Variants in DNAH1 observed in about 807,000 individuals in gnomAD.
DNAH1 encodes the protein axonemal beta dynein heavy chain 1.
In DNAH1, 327 loss-of-function variants were observed where a neutral mutation model predicts 484.3. The observed-to-expected ratio is 0.68, with a 90% CI of 0.62 to 0.74. DNAH1 has a LOEUF of 0.74. Among genes scored for constraint, DNAH1 ranks in the 30% least tolerant of loss-of-function variants. DNAH1 has a pLI of 0.00. For missense variants in DNAH1, 5,052 were observed against 5,546.8 expected, an observed-to-expected ratio of 0.91 and a Z score of 2.83; for synonymous variants, 2,192 against 2,191.9, an observed-to-expected ratio of 1.00 and a Z score of 0.00.
intron 8 of DNAH1, among the ~76,000 whole-genome samples, chr3:52,335,593 G>A (rs542416325): frequency 6.6e-6 from 1 of 152,146 alleles, no homozygotes; most frequent in South Asian, 2.1e-4. Context: ...ATAGGTGTGA[G>A]CCACCGCACC....
chr3:52,355,055 G>C lies in DNAH1; in HGVS notation c.3693G>C (p.Gln1231His). 6.2e-7 allele frequency: 1 copy of C among 1,613,144 alleles called. No homozygotes were observed. Among genetic ancestry groups the C allele is most frequent in the Non-Finnish European group, 8.5e-7 (1 of 1,179,862 alleles). Reference sequence around the variant, plus strand: ...GGGAGAACAAACTGAAGCTGACCCAGGTCGGCCCTCCCCCCAGTCCTTCCC... The same window carrying C: ...GGGAGAACAAACTGAAGCTGACCCACGTCGGCCCTCCCCCCAGTCCTTCCC... ...NSWENKLKLT[Q>H]EVLEEWLNCQ... Residue 1231 changes from glutamine to histidine, a missense_variant and splice_region_variant, in exon 21 of 78, where the codon CAG becomes CAC. Physicochemically the swap from Gln to His is conservative, Grantham distance 24. This residue lies in a region of DNAH1 where 2,929 missense variants were observed against 3,409.4 expected (regional missense o/e 0.86). Transcript: ENST00000420323. This position sits in a 1 kb window ranked among gnomAD's most constrained non-coding sequence, Gnocchi z 4.5.
chr3:52,345,347 A>G (rs918402567), intron 9 of DNAH1, 148 bp from the exon 10 acceptor site: 76 of 678,260 alleles, frequency 1.1e-4, no homozygotes, highest in Middle Eastern at 4.1e-4. Context: ...CCGGCAAACT[A>G]TGGAAAGGCG....
chr3:52,378,857 T>C, intron 47 of DNAH1, 77 bp downstream of exon 47: 2 of 1,572,070 alleles, frequency 1.3e-6, no homozygotes, highest in Non-Finnish European at 1.7e-6. Context: ...ATTTCAGGCC[T>C]TCCTGCCCAA....
chr3:52,374,821 TAAAAATGGAAGTACGAGAAGA>T lies in DNAH1; in HGVS notation c.6986-417_6986-397del, dbSNP rs564041324. On this transcript the variant is annotated intron_variant, in intron 44 of 77. Transcript: ENST00000420323. The stretch of plus-strand genomic sequence containing the variant: ...AAAGCAGAGAAACTAAAAGAGAAGC[TAAAAATGGAAGTACGAGAAGA>T]AGCATGGGTTAAAATAGAAAATCTA... 1.6e-3 allele frequency: 1,765 copies of T among 1,078,244 alleles called. 3 individuals carry two copies. The highest frequency in any genetic ancestry group is 2.0e-3 in the South Asian group (159 of 77,868). 66.8% of individuals were successfully genotyped at this position (1,078,244 alleles called of 1,614,324 possible).
At chr3:52,319,809 G>A (rs887572298) in intron 1 of DNAH1, among the ~76,000 whole-genome samples, 28 of 152,206 alleles carry the variant, frequency 1.8e-4, no homozygotes, top group African/African-American at 6.3e-4. Context: ...CATTGTGAAG[G>A]GCTGAGGGAT....
intron 54 of DNAH1, among the ~76,000 whole-genome samples, 170 bp from the exon 55 acceptor site, chr3:52,385,990 G>A (rs1704087812): frequency 6.6e-6 from 1 of 152,234 alleles, no homozygotes; most frequent in African/African-American, 2.4e-5. Flanking sequence ...CAGGCCCATG[G>A]TGAGCACTCA....
intron 16 of DNAH1, 133 bp from the exon 17 acceptor site, chr3:52,351,829 C>G: frequency 8.8e-7 from 1 of 1,131,358 alleles, no homozygotes; most frequent in Non-Finnish European, 1.3e-6. Context: ...GTAGCCTCCA[C>G]AGCTGCCTGG....
intron 3 of DNAH1, among the ~76,000 whole-genome samples, chr3:52,325,395 G>C (rs1045640422): frequency 6.6e-6 from 1 of 152,156 alleles, no homozygotes; most frequent in African/African-American, 2.4e-5. Flanking sequence ...AGGCTGCCCA[G>C]AGCCCACCCA....
In DNAH1 at chr3:52,383,337, T is replaced by C. The variant is rs150888531; in HGVS notation, c.7942-49T>C. 3.9e-6 allele frequency: 6 copies of C among 1,538,316 alleles called. No homozygotes were observed. The East Asian group carries it at 6.8e-5, about 17-fold the overall frequency. On this transcript the variant is annotated intron_variant, in intron 50 of 77. Transcript: ENST00000420323. The stretch of plus-strand genomic sequence containing the variant: ...AAGGTCCAGCGAGACTGTGGTCATA[T>C]AGTCCAACATGCAGGGGCTTAGCTC...
chr3:52,366,805 G>T lies in DNAH1; in HGVS notation c.5683G>T (p.Ala1895Ser). ...ATCCATCAGTGGTGGCATGTACGAG[G>T]CTGTCAACTACTACGTGCTCAACCC... ...QPSISGGMYE[A>S]VNYYVLNPKS... The change falls in exon 36 of 78, where the codon GCT becomes TCT. Residue 1895 changes from alanine to serine, a missense_variant. Coordinates refer to ENST00000420323, the MANE Select transcript of DNAH1 (RefSeq NM_015512.5). The T allele has an allele frequency of 1.2e-6, 2 of 1,613,954 alleles. No individual in the cohort carries two copies. The highest frequency in any genetic ancestry group is 8.5e-7 in the Non-Finnish European group (1 of 1,179,862).
At chr3:52,331,351 G>A in intron 7 of DNAH1, 42 bp downstream of exon 7, 1 of 1,564,360 alleles carries the variant, frequency 6.4e-7, no homozygotes, top group Non-Finnish European at 8.7e-7. Context: ...CCCCAGCTTG[G>A]GCCTGGCCGG....
chr3:52,395,363 T>G lies in DNAH1; in HGVS notation c.11024T>G (p.Phe3675Cys). The change falls in exon 69 of 78, where the codon TTT becomes TGT. Residue 3675 changes from phenylalanine to cysteine, a missense_variant. By Grantham distance (205) the Phe-to-Cys change is radical. This residue lies in a region of DNAH1 where 853 missense variants were observed against 899.0 expected (regional missense o/e 0.95). Transcript: ENST00000420323. The surrounding 1 kb of genome is among the most constrained non-coding windows in gnomAD (Gnocchi z 4.4). ...TCCAACTCCACCACACCCCTCATCT[T>G]TGTGCTGTCACCCGGCACAGACCCT... Reference protein sequence around the residue: ...KDSNSTTPLIFVLSPGTDPAA... With the variant: ...KDSNSTTPLICVLSPGTDPAA... The G allele has an allele frequency of 6.2e-7, 1 of 1,613,838 alleles. No individual in the cohort carries two copies. The highest frequency in any genetic ancestry group is 8.5e-7 in the Non-Finnish European group (1 of 1,179,868).
rs1434239763 is a variant in DNAH1, at chr3:52,395,472, G to C, written c.11127+6G>C. On this transcript the variant is annotated splice_donor_region_variant and intron_variant, in intron 69 of 77. Transcript: ENST00000420323. The surrounding 1 kb of genome is among the most constrained non-coding windows in gnomAD (Gnocchi z 4.4). ...TCTCCCTGGGCCAGGGGCAGGTCAG[G>C]GCTAGGCAGGGAGGAAGGGAGTGGG... 6 of 1,613,780 alleles carry C rather than the reference G, an allele frequency of 3.7e-6. No individual in the cohort carries two copies. Among genetic ancestry groups the C allele is most frequent in the Non-Finnish European group, 5.1e-6 (6 of 1,179,896 alleles).
chr3:52,335,678 A>G (rs2153223397), intron 8 of DNAH1, among the ~76,000 whole-genome samples: 1 of 150,236 alleles, frequency 6.7e-6, no homozygotes, highest in South Asian at 2.1e-4. Context: ...CTTGTTACCC[A>G]TGCTGGAGTG....
chr3:52,345,696 C>A lies in DNAH1; in HGVS notation c.1646C>A (p.Thr549Asn). 2.5e-6 allele frequency: 4 copies of A among 1,612,490 alleles called. No individual in the cohort carries two copies. Among genetic ancestry groups the A allele is most frequent in the South Asian group, 1.1e-5 (1 of 90,648 alleles). ...GAATTTGAGCAGATCCAGTCACAGA[C>A]CTTCTCCCAGGTTTGTGGGCATCAA... ...LEEFEQIQSQ[T>N]FSQVQMFLKD... The change falls in exon 10 of 78, where the codon ACC (threonine) becomes AAC (asparagine). Residue 549 changes from threonine to asparagine, a missense_variant. This residue lies in a region of DNAH1 where 1,263 missense variants were observed against 1,218.8 expected (regional missense o/e 1.04). Transcript: ENST00000420323.
chr3:52,366,266 CT>C (rs1703068992), intron 34 of DNAH1, among the ~76,000 whole-genome samples, 190 bp from the exon 35 acceptor site: 2 of 152,238 alleles, frequency 1.3e-5, no homozygotes, highest in African/African-American at 4.8e-5. Context: ...AGTTTCTACT[CT>C]GCCAAGTTCT....
intron 16 of DNAH1, 120 bp downstream of exon 16, chr3:52,350,710 C>G: frequency 1.1e-6 from 1 of 951,706 alleles, no homozygotes; most frequent in Non-Finnish European, 1.6e-6. Context: ...CAGAAACACC[C>G]CACTGAGATT....
chr3:52,391,106 G>C (rs1274680405), intron 61 of DNAH1, 52 bp downstream of exon 61: 21 of 1,603,360 alleles, frequency 1.3e-5, no homozygotes, highest in Non-Finnish European at 1.8e-5. Flanking sequence ...GCATAGCAAG[G>C]GCAGTGGTGA....
chr3:52,367,218 C>A (rs528996504), intron 36 of DNAH1, among the ~76,000 whole-genome samples: 1 of 152,154 alleles, frequency 6.6e-6, no homozygotes, highest in African/African-American at 2.4e-5. Context: ...GCTCCCAGGC[C>A]GGGGTGTGCA....
Sources: gnomAD v4.1 joint callset for allele counts (sites outside exome capture counted in the v4.1 genomes callset) on GRCh38, gnomAD v4.1.1 for gene constraint, gnomAD v4.1.1 regional missense constraint, Gnocchi (gnomAD v3.1) non-coding constraint, MANE v1.5 for transcripts, NCBI Gene and HGNC (gene_info 2026-07-23, HGNC 2026-07-21) for gene names.